The following LYN variants were observed in gnomAD, a reference collection of about 807,000 sequenced individuals.
LYN encodes the protein tyrosine-protein kinase Lyn.
LYN carries 12 observed loss-of-function variants against 65.0 expected under a neutral mutation model. The ratio of observed to expected loss-of-function variants is 0.18; its 90% CI spans 0.12 to 0.30. The LOEUF (loss-of-function observed/expected upper bound fraction) is 0.30, where lower values mean the gene tolerates loss of function less well. Among genes scored for constraint, LYN ranks in the 10% least tolerant of loss-of-function variants. The pLI is 1.00. For missense variants in LYN, 380 were observed against 623.2 expected, an observed-to-expected ratio of 0.61 and a Z score of 4.16; for synonymous variants, 222 against 221.2, an observed-to-expected ratio of 1.00 and a Z score of -0.03.
intron 12 of LYN, among the ~76,000 whole-genome samples, chr8:56,003,030 G>A (rs1008343538): frequency 2.0e-5 from 3 of 150,640 alleles, no homozygotes; most frequent in Admixed American, 2.0e-4. Context: ...CTTTCTTTAC[G>A]CAGTAAACTG....
chr8:55,902,614 C>A (rs1417603347), intron 1 of LYN: 6 of 304,780 alleles, frequency 2.0e-5, no homozygotes, highest in South Asian at 8.5e-5. Flanking sequence ...AAAAAAAAAA[C>A]AACAACAACA....
At chr8:55,908,132 C>T (rs942063656) in intron 1 of LYN, among the ~76,000 whole-genome samples, 2 of 152,082 alleles carry the variant, frequency 1.3e-5, no homozygotes, top group Non-Finnish European at 1.5e-5. Context: ...GATTTGCAGG[C>T]AACCCGTTTT....
In LYN at chr8:55,998,510, C is replaced by A. The variant is rs575277133; in HGVS notation, c.1204+11C>A. 3.1e-6 allele frequency: 5 copies of A among 1,597,004 alleles called. No individual in the cohort carries two copies. In the African/African-American group the frequency reaches 6.7e-5, roughly 21 times the overall value. ...ACACAGCAAGGGAAGGTATGTTGCA[C>A]TAATGATCTTTAGATGTTTTATTAT... On this transcript the variant is annotated intron_variant, in intron 11 of 12. Transcript: ENST00000519728.
At chr8:56,000,589 G>C (rs769066575) in intron 12 of LYN, among the ~76,000 whole-genome samples, 2 of 151,822 alleles carry the variant, frequency 1.3e-5, no homozygotes, top group African/African-American at 4.8e-5. Flanking sequence ...TTAGCTGGGC[G>C]TAGTGGTGGG....
intron 12 of LYN, among the ~76,000 whole-genome samples, chr8:56,004,852 A>T (rs2130595844): frequency 6.6e-6 from 1 of 152,100 alleles, no homozygotes; most frequent in African/African-American, 2.4e-5. Context: ...TAGCATGATC[A>T]TAGCTCACTG....
intron 1 of LYN, among the ~76,000 whole-genome samples, chr8:55,934,351 C>T (rs1322306921): frequency 6.6e-6 from 1 of 152,250 alleles, no homozygotes; most frequent in Non-Finnish European, 1.5e-5. Context: ...TCCATCATTA[C>T]TGTTTCTTCT....
At chr8:55,951,076 C>T (rs113879359) in intron 6 of LYN, among the ~76,000 whole-genome samples, 6,212 of 151,798 alleles carry the variant, frequency 0.041, 178 homozygotes, top group African/African-American at 0.077. Context: ...GACCCCATCT[C>T]TACAAGAAAT....
chr8:55,908,989 G>GTATATATA (rs373570614), intron 1 of LYN, among the ~76,000 whole-genome samples: 1 of 20,396 alleles, frequency 4.9e-5, no homozygotes, highest in Non-Finnish European at 8.5e-5. Flanking sequence ...CATTGTGTAT[G>GTATATATA]TATATATATA....
intron 1 of LYN, among the ~76,000 whole-genome samples, chr8:55,897,464 GAGTCTAGTAAC>G (rs1805150187): frequency 6.6e-6 from 1 of 152,136 alleles, no homozygotes; most frequent in Non-Finnish European, 1.5e-5. Flanking sequence ...AAGATCTCCA[GAGTCTAGTAAC>G]AGTTCTGTCT....
intron 1 of LYN, among the ~76,000 whole-genome samples, chr8:55,899,454 A>G (rs1431789454): frequency 1.3e-5 from 2 of 152,220 alleles, no homozygotes; most frequent in Non-Finnish European, 2.9e-5. Context: ...AGCAGACTTT[A>G]TACATTAACA....
chr8:55,907,166 G>A (rs1238628669), intron 1 of LYN, among the ~76,000 whole-genome samples: 1 of 152,102 alleles, frequency 6.6e-6, no homozygotes, highest in Non-Finnish European at 1.5e-5. Flanking sequence ...ATAATATTAT[G>A]CAACCCTGGA....
chr8:55,918,634 T>C (rs1805847450), intron 1 of LYN, among the ~76,000 whole-genome samples: 1 of 152,074 alleles, frequency 6.6e-6, no homozygotes, highest in East Asian at 1.9e-4. Context: ...CCAGATTGAG[T>C]GGTGCCAGGT....
chr8:55,958,149 A>G (rs1370007566), intron 8 of LYN, among the ~76,000 whole-genome samples: 1 of 152,182 alleles, frequency 6.6e-6, no homozygotes, highest in Non-Finnish European at 1.5e-5. Context: ...GTAAGTCTGC[A>G]CTAAAATTGT....
At chr8:56,009,689 C>G (rs1159957117) in intron 12 of LYN, among the ~76,000 whole-genome samples, 1 of 152,168 alleles carries the variant, frequency 6.6e-6, no homozygotes, top group African/African-American at 2.4e-5. Flanking sequence ...AAGGCCTTAT[C>G]TCTAAATATG....
In LYN at chr8:55,941,982, G is replaced by A. The variant is rs1806625080; in HGVS notation, c.123G>A (p.Gln41=). ...IYVRDPTSNK[Q]QRPVPESQLL... ...TGAGAGATCCAACGTCCAATAAACAGCAAAGGCCAGTAAGTAGATAGTCTC... is the reference window on the plus strand; with the variant it reads ...TGAGAGATCCAACGTCCAATAAACAACAAAGGCCAGTAAGTAGATAGTCTC... The change falls in exon 2 of 13, where the codon CAG becomes CAA. Residue 41 remains glutamine, a synonymous_variant. Coordinates refer to ENST00000519728, the MANE Select transcript of LYN (RefSeq NM_002350.4). 1.9e-6 allele frequency: 3 copies of A among 1,613,284 alleles called. No individual in the cohort carries two copies. The highest frequency in any genetic ancestry group is 2.5e-6 in the Non-Finnish European group (3 of 1,179,822).
chr8:55,968,593 C>G (rs1807524556), intron 9 of LYN, among the ~76,000 whole-genome samples: 1 of 152,198 alleles, frequency 6.6e-6, no homozygotes, highest in South Asian at 2.1e-4. Context: ...TTACTATATG[C>G]CAGACTGCTC....
At chr8:55,968,587 T>G (rs1807524397) in intron 9 of LYN, among the ~76,000 whole-genome samples, 1 of 152,240 alleles carries the variant, frequency 6.6e-6, no homozygotes, top group South Asian at 2.1e-4. Flanking sequence ...GAGCACTTAC[T>G]ATATGCCAGA....
At chr8:55,886,882 T>C (rs1409454608) in intron 1 of LYN, among the ~76,000 whole-genome samples, 1 of 152,226 alleles carries the variant, frequency 6.6e-6, no homozygotes, top group Non-Finnish European at 1.5e-5. Flanking sequence ...CTGAATCTTT[T>C]GAATTCTTCT....
intron 10 of LYN, among the ~76,000 whole-genome samples, chr8:55,977,923 AAAAAC>A (rs1046665623): frequency 5.3e-5 from 8 of 152,224 alleles, no homozygotes; most frequent in African/African-American, 1.9e-4. Context: ...CTGCCTCTAA[AAAAAC>A]AAAACAAAAG....
Sources: allele counts gnomAD v4.1 joint callset (sites outside exome capture counted in the v4.1 genomes callset), GRCh38; gene constraint gnomAD v4.1.1; transcripts MANE v1.5; gene names NCBI Gene and HGNC (gene_info 2026-07-23, HGNC 2026-07-21).